ENDOG: variants seen among roughly 807,000 people sequenced by gnomAD.
The protein encoded by ENDOG is endonuclease G.
ENDOG carries 22 observed loss-of-function variants against 22.6 expected under a neutral mutation model. The observed-to-expected ratio is 0.97, with a 90% CI of 0.70 to 1.39. The LOEUF is 1.39. Ranked by LOEUF, ENDOG falls within the 40% of genes most tolerant of loss-of-function variation. ENDOG has a pLI of 0.00. For synonymous variants in ENDOG, 173 were observed against 200.2 expected, an observed-to-expected ratio of 0.86 and a Z score of 1.15; for missense variants, 403 against 431.3, an observed-to-expected ratio of 0.93 and a Z score of 0.58.
rs1363810497 is a variant in ENDOG, at chr9:128,819,166, TGA to T, written c.484_485del (p.Ser162GlnfsTer21). On this transcript the variant is annotated frameshift_variant, in exon 1 of 3. Coordinates refer to ENST00000372642, the MANE Select transcript of ENDOG (RefSeq NM_004435.2). LOFTEE classifies it high-confidence loss of function. Reference sequence around the variant, plus strand: ...AAGGCCATGGACGACACGTTCTACCTGAGCAACGTCGCGCCCCAGGTAGCGCC... The same window carrying T: ...AAGGCCATGGACGACACGTTCTACCTGCAACGTCGCGCCCCAGGTAGCGCC... The T allele has an allele frequency of 8.0e-6, 12 of 1,496,470 alleles. No homozygotes were observed. The highest frequency in any genetic ancestry group is 1.1e-5 in the Non-Finnish European group (12 of 1,127,332). The allele number at this position is 1,496,470 out of a possible 1,614,324, so 92.7% of individuals were successfully genotyped here.
In ENDOG at chr9:128,818,959, C is replaced by A; in HGVS notation, c.275C>A (p.Ala92Glu). Residue 92 changes from alanine to glutamate, a missense_variant, in exon 1 of 3, where the codon GCG (alanine) becomes GAG (glutamate). Transcript: ENST00000372642. ...TGCTACGACCCGCGCACCCGCGGCG[C>A]GCTCTGGGTGGTGGAGCAGCTGCGA... ...VLCYDPRTRGALWVVEQLRPE... is the reference protein window; with the variant it reads ...VLCYDPRTRGELWVVEQLRPE... 1 of 1,492,078 alleles carries A rather than the reference C, an allele frequency of 6.7e-7. No individual in the cohort carries two copies. 92.4% of individuals were successfully genotyped at this position (1,492,078 alleles called of 1,614,324 possible). A position where few individuals can be genotyped will look rare whatever the true frequency, so the allele number is the denominator to read the frequency against.
Position 128,822,520 on chromosome 9 carries a change from G to A in ENDOG, c.804G>A (p.Glu268=), listed in dbSNP as rs1830141861. ...IPLERFLVPI[E]SIERASGLLF... ...TGGAGCGCTTCCTGGTGCCCATCGA[G>A]AGCATTGAGCGGGCTTCGGGGCTGC... Residue 268 remains glutamate (E), a synonymous_variant, in exon 3 of 3, where the codon GAG becomes GAA. Coordinates refer to ENST00000372642, the MANE Select transcript of ENDOG (RefSeq NM_004435.2). 1 of 1,560,110 alleles carries A rather than the reference G, an allele frequency of 6.4e-7. No homozygotes were observed. The highest frequency in any genetic ancestry group is 1.2e-5 in the South Asian group (1 of 84,806).
intron 2 of ENDOG, chr9:128,821,359 G>A (rs550204790): frequency 1.1e-5 from 2 of 174,220 alleles, no homozygotes; most frequent in Admixed American, 1.2e-4. Context: ...TCCCCATGCA[G>A]GTCCCCAGTG....
chr9:128,821,154 A>AC (rs976497983), intron 2 of ENDOG: 5 of 399,614 alleles, frequency 1.3e-5, no homozygotes, highest in African/African-American at 8.2e-5. Flanking sequence ...CCAATATGGA[A>AC]CCCCCCGCAG....
Position 128,818,512 on chromosome 9 carries a change from G to C in ENDOG, c.-173G>C. 1 of 707,312 alleles carries C rather than the reference G, an allele frequency of 1.4e-6. No homozygotes were observed. The highest frequency in any genetic ancestry group is 6.6e-5 in the South Asian group (1 of 15,056). 43.8% of individuals were successfully genotyped at this position (707,312 alleles called of 1,614,324 possible). On this transcript the variant is annotated 5_prime_UTR_variant, in exon 1 of 3. Coordinates refer to ENST00000372642, the MANE Select transcript of ENDOG (RefSeq NM_004435.2). ...AAGGACGCCGGGGACACCCGGTTGG[G>C]CTCTGCTGCTCCCTTCTGGGTTCCG...
At chr9:128,822,054 T>C (rs1037682484) in intron 2 of ENDOG, 7 of 502,324 alleles carry the variant, frequency 1.4e-5, no homozygotes, top group African/African-American at 7.7e-5. Flanking sequence ...CGAATGTGAA[T>C]ATTCAGAAGG....
Position 128,818,897 on chromosome 9 carries a change from G to T in ENDOG, c.213G>T (p.Gly71=). ...AGCTGGCCAAGTACGGGCTGCCGGGGCTGGCGCAGCTCAAGAGCCGCGAGT... is the reference window on the plus strand; with the variant it reads ...AGCTGGCCAAGTACGGGCTGCCGGGTCTGGCGCAGCTCAAGAGCCGCGAGT... ...PGELAKYGLP[G]LAQLKSRESY... The change falls in exon 1 of 3, where the codon GGG becomes GGT. Residue 71 remains glycine (G), a synonymous_variant. Transcript: ENST00000372642. 2 of 1,470,060 alleles carry T rather than the reference G, an allele frequency of 1.4e-6. No homozygotes were observed. The highest frequency in any genetic ancestry group is 6.0e-5 in the East Asian group (2 of 33,394). 91.1% of individuals were successfully genotyped at this position (1,470,060 alleles called of 1,614,324 possible).
intron 2 of ENDOG, 119 bp downstream of exon 2, chr9:128,820,967 T>G: frequency 1.1e-6 from 1 of 897,266 alleles, no homozygotes; most frequent in East Asian, 2.7e-5. Flanking sequence ...CTCATCTGGT[T>G]TCTTGGCAAG....
In ENDOG at chr9:128,822,487, C is replaced by T; in HGVS notation, c.771C>T (p.Ala257=). ...YVMPNAPVDE[A]IPLERFLVPI... ...TGCCCAACGCACCTGTGGATGAGGC[C>T]ATCCCACTGGAGCGCTTCCTGGTGC... is the stretch of plus-strand genomic sequence containing the variant. The change falls in exon 3 of 3, where the codon GCC becomes GCT. Residue 257 remains alanine, a synonymous_variant. Coordinates refer to ENST00000372642, the MANE Select transcript of ENDOG (RefSeq NM_004435.2). 6.4e-7 allele frequency: 1 copy of T among 1,566,014 alleles called. No individual in the cohort carries two copies. Among genetic ancestry groups the T allele is most frequent in the Non-Finnish European group, 8.7e-7 (1 of 1,154,894 alleles).
intron 2 of ENDOG, 137 bp from the exon 3 acceptor site, chr9:128,822,191 C>A: frequency 2.0e-6 from 2 of 1,017,390 alleles, no homozygotes; most frequent in Non-Finnish European, 2.8e-6. Context: ...GCCAGGCAGG[C>A]TACAGAAGTC....
At position 128,822,393 on chromosome 9, in the gene ENDOG, C is replaced by T. The variant is rs753388223; in HGVS notation, c.677C>T (p.Pro226Leu). Residue 226 changes from proline to leucine, a missense_variant, in exon 3 of 3, where the codon CCC becomes CTC. Coordinates refer to ENST00000372642, the MANE Select transcript of ENDOG (RefSeq NM_004435.2). ...QVIGKNHVAV[P>L]THFFKVLILE... Reference sequence around the variant, plus strand: ...ATCGGCAAGAACCACGTGGCAGTGCCCACACACTTCTTCAAGGTGCTGATC... The same window carrying T: ...ATCGGCAAGAACCACGTGGCAGTGCTCACACACTTCTTCAAGGTGCTGATC... The T allele has an allele frequency of 2.0e-5, 33 of 1,612,986 alleles. No homozygotes were observed. Among genetic ancestry groups the T allele is most frequent in the Non-Finnish European group, 2.6e-5 (31 of 1,179,664 alleles).
At chr9:128,819,408 G>C (rs1830060241) in intron 1 of ENDOG, among the ~76,000 whole-genome samples, 1 of 152,244 alleles carries the variant, frequency 6.6e-6, no homozygotes, top group African/African-American at 2.4e-5. Flanking sequence ...GCACCTCCCT[G>C]AGCGTCGCTT....
intron 2 of ENDOG, chr9:128,821,161 G>A (rs753148984): frequency 2.0e-5 from 8 of 392,116 alleles, no homozygotes; most frequent in African/African-American, 1.2e-4. Context: ...GGAACCCCCC[G>A]CAGGTCTGCA....
In ENDOG at chr9:128,820,939, G is replaced by A. The variant is rs1227108045; in HGVS notation, c.611+91G>A. 6.9e-5 allele frequency: 79 copies of A among 1,145,752 alleles called. 1 individual carries two copies. The Admixed American group carries it at 1.3e-3, about 19-fold the overall frequency. The allele number at this position is 1,145,752 out of a possible 1,614,324, so 71.0% of individuals were successfully genotyped here. A position where few individuals can be genotyped will look rare whatever the true frequency, so the allele number is the denominator to read the frequency against. On this transcript the variant is annotated intron_variant, in intron 2 of 2. Coordinates refer to ENST00000372642, the MANE Select transcript of ENDOG (RefSeq NM_004435.2). ...GGGCCAGGCTTGCCCCAGGCTCTGG[G>A]TCAATACCAGTTCCCTACTCATCTG... is the stretch of plus-strand genomic sequence containing the variant.
chr9:128,822,291 AG>A, intron 2 of ENDOG, 36 bp from the exon 3 acceptor site: 1 of 1,599,432 alleles, frequency 6.3e-7, no homozygotes, highest in East Asian at 2.2e-5. Context: ...GGGTTCATCC[AG>A]GCCCCCTGCC....
At position 128,818,819 on chromosome 9, in the gene ENDOG, G is replaced by A. The variant is rs951651787; in HGVS notation, c.135G>A (p.Val45=). The A allele has an allele frequency of 1.5e-4, 198 of 1,293,044 alleles. No homozygotes were observed. Among genetic ancestry groups the A allele is most frequent in the Non-Finnish European group, 1.8e-4 (185 of 1,022,002 alleles). The allele number at this position is 1,293,044 out of a possible 1,614,324, so 80.1% of individuals were successfully genotyped here. The change falls in exon 1 of 3, where the codon GTG becomes GTA. Residue 45 remains valine (V), a synonymous_variant. Coordinates refer to ENST00000372642, the MANE Select transcript of ENDOG (RefSeq NM_004435.2). ...TGGGCCGGCTGCCCGTGCTGCCCGTGGCGGCGGCAGCCGAGTTGCCCCCTG... is the reference window on the plus strand; with the variant it reads ...TGGGCCGGCTGCCCGTGCTGCCCGTAGCGGCGGCAGCCGAGTTGCCCCCTG... ...GLLGRLPVLP[V]AAAAELPPVP...
At position 128,818,608 on chromosome 9, in the gene ENDOG, T is replaced by C. The variant is rs2132572516; in HGVS notation, c.-77T>C. The C allele has an allele frequency of 1.9e-6, 2 of 1,072,702 alleles. No homozygotes were observed. Among genetic ancestry groups the C allele is most frequent in the Non-Finnish European group, 2.3e-6 (2 of 886,616 alleles). The allele number at this position is 1,072,702 out of a possible 1,614,324, so 66.4% of individuals were successfully genotyped here. A position where few individuals can be genotyped will look rare whatever the true frequency, so the allele number is the denominator to read the frequency against. On this transcript the variant is annotated 5_prime_UTR_variant, in exon 1 of 3. Transcript: ENST00000372642. The stretch of plus-strand genomic sequence containing the variant: ...CTATCGTCCGCGGCCCCAGCAGCCC[T>C]GTGCCCTCGTTGGATCCCGCGACGC...
intron 2 of ENDOG, chr9:128,821,461 C>T (rs535092929): frequency 6.2e-5 from 10 of 160,808 alleles, no homozygotes; most frequent in Middle Eastern, 3.0e-3. Flanking sequence ...CAGGCTCTCC[C>T]GCCTTCAGTC....
chr9:128,818,811 C>T lies in ENDOG; in HGVS notation c.127C>T (p.Leu43=), dbSNP rs1220171841. 3.9e-6 allele frequency: 5 copies of T among 1,281,192 alleles called. No homozygotes were observed. Among genetic ancestry groups the T allele is most frequent in the South Asian group, 2.4e-5 (1 of 42,248 alleles). The allele number at this position is 1,281,192 out of a possible 1,614,324, so 79.4% of individuals were successfully genotyped here. The part of the protein sequence containing the change: ...APGLLGRLPV[L]PVAAAAELPP... ...GGGACTGCTGGGCCGGCTGCCCGTGCTGCCCGTGGCGGCGGCAGCCGAGTT... is the reference window on the plus strand; with the variant it reads ...GGGACTGCTGGGCCGGCTGCCCGTGTTGCCCGTGGCGGCGGCAGCCGAGTT... Residue 43 remains leucine (L), a synonymous_variant, in exon 1 of 3, where the codon CTG becomes TTG. Coordinates refer to ENST00000372642, the MANE Select transcript of ENDOG (RefSeq NM_004435.2).
Sources: gnomAD v4.1 joint callset for allele counts (sites outside exome capture counted in the v4.1 genomes callset) on GRCh38, gnomAD v4.1.1 for gene constraint, MANE v1.5 for transcripts, NCBI Gene and HGNC (gene_info 2026-07-23, HGNC 2026-07-21) for gene names.